The following KDM4C variants were observed in gnomAD, a reference collection of about 807,000 sequenced individuals.
The protein encoded by KDM4C is lysine demethylase 4C.
KDM4C carries 81 observed loss-of-function variants against 129.3 expected under a neutral mutation model. That is an observed-to-expected ratio of 0.63 (90% CI 0.52 to 0.75). The LOEUF is 0.75. KDM4C is among the 30% of genes least tolerant of loss of function. The pLI is 0.00. For missense variants in KDM4C, 1,457 were observed against 1,304.0 expected (o/e 1.12, Z -1.81); for synonymous variants, 573 against 456.1 (o/e 1.26, Z -3.26).
chr9:6,915,668 C>T (rs766012793), intron 8 of KDM4C, among the ~76,000 whole-genome samples: 4 of 152,058 alleles, frequency 2.6e-5, no homozygotes, highest in Non-Finnish European at 2.9e-5. Flanking sequence ...TTTCTTTCCT[C>T]GAATGCTACA....
At chr9:7,004,577 G>A (rs370227241) in intron 12 of KDM4C, among the ~76,000 whole-genome samples, 19 of 151,880 alleles carry the variant, frequency 1.3e-4, no homozygotes, top group Admixed American at 5.9e-4. Flanking sequence ...GCATTATATA[G>A]CTATGCCATA....
intron 4 of KDM4C, among the ~76,000 whole-genome samples, chr9:6,820,016 GT>G (rs1353089830): frequency 2.0e-5 from 3 of 151,532 alleles, no homozygotes; most frequent in Non-Finnish European, 4.4e-5. Context: ...AATCGTAGCC[GT>G]TTTTTGGTGG....
At chr9:6,806,283 T>G (rs1036582926) in intron 3 of KDM4C, among the ~76,000 whole-genome samples, 3 of 151,964 alleles carry the variant, frequency 2.0e-5, no homozygotes. Flanking sequence ...TCACCTGAGG[T>G]CGGGAGTTCA....
intron 6 of KDM4C, among the ~76,000 whole-genome samples, chr9:6,887,738 G>A (rs1202810464): frequency 6.6e-6 from 1 of 152,032 alleles, no homozygotes; most frequent in East Asian, 1.9e-4. Flanking sequence ...ACAACTTATG[G>A]TAAATCTGTT....
Position 7,049,217 on chromosome 9 carries a change from C to A in KDM4C, c.2424+17C>A, listed in dbSNP as rs771477764. The A allele has an allele frequency of 3.0e-5, 39 of 1,312,476 alleles. No individual in the cohort carries two copies. The East Asian group carries it at 9.1e-4, about 31-fold the overall frequency. The allele number at this position is 1,312,476 out of a possible 1,614,324, so 81.3% of individuals were successfully genotyped here. On this transcript the variant is annotated intron_variant, in intron 17 of 21. Transcript: ENST00000381309. ...TTAAAATTGGTGAGTGGCAAAGCTT[C>A]TTTTTTACCTCATAAATTAGTGTTA... is the stretch of plus-strand genomic sequence containing the variant.
At chr9:6,871,198 A>G (rs889868744) in intron 5 of KDM4C, among the ~76,000 whole-genome samples, 1 of 152,260 alleles carries the variant, frequency 6.6e-6, no homozygotes, top group African/African-American at 2.4e-5. Context: ...AAGTACGAAG[A>G]GGGCAGTTCC....
intron 18 of KDM4C, among the ~76,000 whole-genome samples, chr9:7,124,696 C>G (rs4742313): frequency 0.34 from 52,169 of 151,864 alleles, 9,567 homozygotes; most frequent in Middle Eastern, 0.52. Flanking sequence ...TTAAATCGGG[C>G]TTCTTACTGT....
chr9:7,010,506 T>C (rs1211980637), intron 12 of KDM4C, among the ~76,000 whole-genome samples: 2 of 152,138 alleles, frequency 1.3e-5, no homozygotes. Flanking sequence ...TACTCACCAG[T>C]GATTTGTAGT....
chr9:6,940,047 C>T (rs111249091), intron 8 of KDM4C, among the ~76,000 whole-genome samples: 4,831 of 73,646 alleles, frequency 0.066, 237 homozygotes, highest in East Asian at 0.19. Context: ...CCTTCCTTCC[C>T]TCCTTCCCTC....
intron 11 of KDM4C, among the ~76,000 whole-genome samples, chr9:6,987,232 G>T (rs1170679098): frequency 2.6e-5 from 4 of 152,096 alleles, no homozygotes; most frequent in Admixed American, 6.5e-5. Flanking sequence ...TTTCCTCATG[G>T]ACCCTGAATC....
intron 8 of KDM4C, among the ~76,000 whole-genome samples, chr9:6,972,477 G>T (rs1241529826): frequency 6.6e-6 from 1 of 151,892 alleles, no homozygotes; most frequent in Non-Finnish European, 1.5e-5. Context: ...GATGAGCTGT[G>T]CGTTGTTAAA....
rs199817746 is a variant in KDM4C, at chr9:6,917,029, G to GT, written c.921+23805dup. On this transcript the variant is annotated intron_variant, in intron 8 of 21. Transcript: ENST00000381309. Reference sequence around the variant, plus strand: ...CCACGAAGATTGTTGAGGTCATTCTGTTTTTTTTGTTGTTGTTGTTCAAGA... The same window carrying GT: ...CCACGAAGATTGTTGAGGTCATTCTGTTTTTTTTTGTTGTTGTTGTTCAAGA... Among the ~76,000 whole-genome samples, 172 of 151,948 alleles carry GT rather than the reference G, an allele frequency of 1.1e-3. 1 individual carries two copies. Among genetic ancestry groups the GT allele is most frequent in the African/African-American group, 3.5e-3 (144 of 41,428 alleles).
At chr9:6,946,234 G>A (rs1355225545) in intron 8 of KDM4C, among the ~76,000 whole-genome samples, 6 of 152,000 alleles carry the variant, frequency 3.9e-5, no homozygotes, top group East Asian at 1.9e-4. Flanking sequence ...TTCTGACTTC[G>A]AAAGTAAGAT....
At chr9:6,886,117 T>C (rs939298903) in intron 6 of KDM4C, among the ~76,000 whole-genome samples, 13 of 152,252 alleles carry the variant, frequency 8.5e-5, no homozygotes, top group African/African-American at 3.1e-4. Context: ...TGCCCCTTGG[T>C]GCCCTTCTCT....
chr9:6,867,688 A>G (rs1842253774), intron 5 of KDM4C, among the ~76,000 whole-genome samples: 2 of 152,120 alleles, frequency 1.3e-5, no homozygotes, highest in South Asian at 4.1e-4. Context: ...TGTTTTTCCA[A>G]TTTCTTCATT....
At chr9:6,837,594 A>T (rs1483999055) in intron 4 of KDM4C, among the ~76,000 whole-genome samples, 1 of 152,210 alleles carries the variant, frequency 6.6e-6, no homozygotes, top group East Asian at 1.9e-4. Flanking sequence ...TCTCTGATTA[A>T]AAATGGCTTA....
chr9:7,027,944 A>G (rs1826067725), intron 15 of KDM4C, among the ~76,000 whole-genome samples: 1 of 152,106 alleles, frequency 6.6e-6, no homozygotes, highest in South Asian at 2.1e-4. Flanking sequence ...CTCTTAAGTC[A>G]GTTTGTGGTG....
chr9:7,075,531 C>G (rs1354151660), intron 17 of KDM4C, among the ~76,000 whole-genome samples: 1 of 152,118 alleles, frequency 6.6e-6, no homozygotes, highest in Non-Finnish European at 1.5e-5. Flanking sequence ...TCCTCGGTTT[C>G]TCTCTCATAC....
intron 8 of KDM4C, among the ~76,000 whole-genome samples, chr9:6,933,837 A>G (rs982663117): frequency 6.6e-6 from 1 of 151,434 alleles, no homozygotes; most frequent in African/African-American, 2.4e-5. Flanking sequence ...GGTCTTCCTG[A>G]TTTTTTATTT....
Sources: allele counts gnomAD v4.1 joint callset (sites outside exome capture counted in the v4.1 genomes callset), GRCh38; gene constraint gnomAD v4.1.1; transcripts MANE v1.5; gene names NCBI Gene and HGNC (gene_info 2026-07-23, HGNC 2026-07-21).